PUM1: variants seen among roughly 807,000 people sequenced by gnomAD.
PUM1 encodes pumilio RNA binding family member 1.
A neutral mutation model predicts 131.8 loss-of-function variants in PUM1; 13 were observed. The ratio of observed to expected loss-of-function variants is 0.10; its 90% CI spans 0.06 to 0.16. The LOEUF (loss-of-function observed/expected upper bound fraction) is 0.16, where lower values mean the gene tolerates loss of function less well. Among genes scored for constraint, PUM1 ranks in the 10% least tolerant of loss-of-function variants. PUM1 has a pLI of 1.00. For missense variants in PUM1, 961 were observed against 1,512.4 expected (o/e 0.64, Z 6.05); for synonymous variants, 509 against 556.5 (o/e 0.91, Z 1.20).
rs1000412831 is a variant in PUM1, at chr1:31,030,528, A to G, written c.364-1664T>C. On this transcript the variant is annotated intron_variant, in intron 2 of 21. Coordinates refer to ENST00000426105, the MANE Select transcript of PUM1 (RefSeq NM_001020658.2). ...ATGTAGTAGAGTACCCTGTCTCTAC[A>G]AACAAAAATTTAAAAAATAAAAATA... Among the ~76,000 whole-genome samples, 4 of 152,246 alleles carry G rather than the reference A, an allele frequency of 2.6e-5. No homozygotes were observed. The South Asian group carries it at 8.3e-4, about 32-fold the overall frequency.
Position 30,945,933 on chromosome 1 carries a change from G to A in PUM1, c.2857-450C>T, listed in dbSNP as rs536318998. Among the ~76,000 whole-genome samples, 219 of 152,054 alleles carry A rather than the reference G, an allele frequency of 1.4e-3. 1 individual carries two copies. Among genetic ancestry groups the A allele is most frequent in the Non-Finnish European group, 6.9e-4 (47 of 67,994 alleles). On this transcript the variant is annotated intron_variant, in intron 17 of 21. Coordinates refer to ENST00000426105, the MANE Select transcript of PUM1 (RefSeq NM_001020658.2). ...CCCGAGTAGCTGGGATTACAGGTGTGTACCACCACACCTGGCTAATTTTTG... is the reference window on the plus strand; with the variant it reads ...CCCGAGTAGCTGGGATTACAGGTGTATACCACCACACCTGGCTAATTTTTG...
chr1:30,945,094 T>C (rs1274513408), intron 18 of PUM1, among the ~76,000 whole-genome samples: 2 of 152,010 alleles, frequency 1.3e-5, no homozygotes, highest in African/African-American at 4.8e-5. Context: ...ATGAGCCAGG[T>C]GTGGTGGTAT....
At chr1:31,039,210 A>C (rs905178827) in intron 2 of PUM1, among the ~76,000 whole-genome samples, 14 of 137,898 alleles carry the variant, frequency 1.0e-4, no homozygotes, top group African/African-American at 3.8e-4. Context: ...TACCCACGCT[A>C]ACAAAAAAAA....
intron 5 of PUM1, among the ~76,000 whole-genome samples, chr1:31,004,010 T>C (rs1353089382): frequency 1.3e-5 from 2 of 152,366 alleles, no homozygotes; most frequent in African/African-American, 2.4e-5. Context: ...TCTTTATGCA[T>C]ACCTCAGCAG....
intron 3 of PUM1, among the ~76,000 whole-genome samples, chr1:31,018,194 C>T (rs1355622002): frequency 2.6e-5 from 4 of 151,620 alleles, no homozygotes; most frequent in Admixed American, 2.0e-4. Flanking sequence ...TGCTAAAATA[C>T]AAAAATTAGC....
intron 1 of PUM1, among the ~76,000 whole-genome samples, chr1:31,063,908 T>C (rs1644422780): frequency 6.6e-6 from 1 of 152,226 alleles, no homozygotes; most frequent in African/African-American, 2.4e-5. Context: ...TGGGTAGTTT[T>C]GTGGTATTTT....
intron 10 of PUM1, among the ~76,000 whole-genome samples, chr1:30,969,860 A>G (rs1175685243): frequency 6.6e-6 from 1 of 152,148 alleles, no homozygotes; most frequent in African/African-American, 2.4e-5. Flanking sequence ...ACAGGGTCTC[A>G]CCATGTTGTT....
At chr1:31,038,985 T>TATATA (rs879343889) in intron 2 of PUM1, among the ~76,000 whole-genome samples, 377 of 32,956 alleles carry the variant, frequency 0.011, 1 homozygote, top group Non-Finnish European at 0.014. Context: ...TATATATATA[T>TATATA]TTTTTTTTTT....
At chr1:30,968,831 T>C (rs1640737141) in intron 10 of PUM1, among the ~76,000 whole-genome samples, 1 of 152,208 alleles carries the variant, frequency 6.6e-6, no homozygotes, top group Non-Finnish European at 1.5e-5. Flanking sequence ...CATCAGCAAG[T>C]GGTAGTGTTA....
intron 10 of PUM1, among the ~76,000 whole-genome samples, chr1:30,972,126 G>A (rs1004264154): frequency 2.0e-5 from 3 of 150,406 alleles, no homozygotes; most frequent in Admixed American, 1.3e-4. Context: ...ATGGTGGCAC[G>A]TGCCTGTAAT....
chr1:30,966,492 C>T (rs1227720901), intron 12 of PUM1: 1 of 529,284 alleles, frequency 1.9e-6, no homozygotes, highest in Non-Finnish European at 3.3e-6. Context: ...AACAAGTTCA[C>T]TATGCTGGTT....
At chr1:31,035,517 C>G (rs1414871554) in intron 2 of PUM1, among the ~76,000 whole-genome samples, 1 of 152,016 alleles carries the variant, frequency 6.6e-6, no homozygotes, top group African/African-American at 2.4e-5. Context: ...TTTCGGAGGC[C>G]GAGGCGGGCG....
Position 31,059,218 on chromosome 1 carries a change from G to C in PUM1, c.349C>G (p.His117Asp). The change falls in exon 2 of 22, where the codon CAT (histidine) becomes GAT (aspartate). Residue 117 changes from histidine (H) to aspartate (D), a missense_variant. Physicochemically the swap from His to Asp is moderately conservative, Grantham distance 81. This residue lies in a region of PUM1 where 654 missense variants were observed against 923.9 expected (regional missense o/e 0.71). Coordinates refer to ENST00000426105, the MANE Select transcript of PUM1 (RefSeq NM_001020658.2). ...KHRWPTGDNI[H>D]AEHQVRSMDE... is the part of the protein sequence containing the mutation. ...CTTTTTTTTACCTGATGTTCTGCAT[G>C]AATGTTATCCCCAGTAGGCCATCGA... 6.3e-7 allele frequency: 1 copy of C among 1,583,124 alleles called. No individual in the cohort carries two copies. The highest frequency in any genetic ancestry group is 1.4e-5 in the African/African-American group (1 of 73,752).
At chr1:31,065,517 C>T in intron 1 of PUM1, 99 bp downstream of exon 1, 1 of 1,369,756 alleles carries the variant, frequency 7.3e-7, no homozygotes, top group East Asian at 3.1e-5. Context: ...CAAAGCCCTT[C>T]TCACCCCCAC....
intron 3 of PUM1, among the ~76,000 whole-genome samples, chr1:31,013,201 C>T (rs996987016): frequency 6.6e-6 from 1 of 152,170 alleles, no homozygotes; most frequent in South Asian, 2.1e-4. Flanking sequence ...AACAACACTA[C>T]AAGAACCATG....
intron 20 of PUM1, 101 bp from the exon 21 acceptor site, chr1:30,936,936 G>A (rs1055737677): frequency 5.1e-6 from 5 of 986,266 alleles, no homozygotes; most frequent in Non-Finnish European, 7.3e-6. Flanking sequence ...CCAGCAGGGA[G>A]AGAGAGCTAT....
rs796103685 is a variant in PUM1 at position 31,024,858 on chromosome 1, C to A, written c.432+3938G>T. Among the ~76,000 whole-genome samples, 4 of 152,128 alleles carry A rather than the reference C, an allele frequency of 2.6e-5. No homozygotes were observed. The South Asian group carries it at 8.3e-4, about 32-fold the overall frequency. On this transcript the variant is annotated intron_variant, in intron 3 of 21. Coordinates refer to ENST00000426105, the MANE Select transcript of PUM1 (RefSeq NM_001020658.2). ...GGTTATGCAAGATCATAAACCAAAC[C>A]AATTTAGAAATAGAGCCCAGAAGCC...
At chr1:31,056,235 C>T (rs1005244263) in intron 2 of PUM1, among the ~76,000 whole-genome samples, 3 of 152,162 alleles carry the variant, frequency 2.0e-5, no homozygotes, top group Admixed American at 2.0e-4. Context: ...CTAATTCAAT[C>T]ACCAAATTCT....
At chr1:30,938,346 A>G (rs1639299526) in intron 20 of PUM1, among the ~76,000 whole-genome samples, 1 of 152,042 alleles carries the variant, frequency 6.6e-6, no homozygotes, top group South Asian at 2.1e-4. Flanking sequence ...TCCACCTCCT[A>G]GGTTCAAGCC....
Sources: gnomAD v4.1 joint callset for allele counts (sites outside exome capture counted in the v4.1 genomes callset) on GRCh38, gnomAD v4.1.1 for gene constraint, gnomAD v4.1.1 regional missense constraint, MANE v1.5 for transcripts, NCBI Gene and HGNC (gene_info 2026-07-23, HGNC 2026-07-21) for gene names.